Variants in TRRAP observed in about 807,000 individuals in gnomAD.
The protein encoded by TRRAP is transformation/transcription domain associated protein, also known as transformation/transcription domain-associated protein.
A neutral mutation model predicts 438.8 loss-of-function variants in TRRAP; 41 were observed. The ratio of observed to expected loss-of-function variants is 0.09; its 90% CI spans 0.07 to 0.12. The LOEUF (loss-of-function observed/expected upper bound fraction) is 0.12, where lower values mean the gene tolerates loss of function less well. Among genes scored for constraint, TRRAP ranks in the 10% least tolerant of loss-of-function variants. The probability of loss-of-function intolerance (pLI) is 1.00; values close to 1 mark genes in which losing one functional copy is unlikely to be tolerated. For synonymous variants in TRRAP, 1,994 were observed against 1,962.9 expected, an observed-to-expected ratio of 1.02 and a Z score of -0.42; for missense variants, 3,122 against 5,055.1, an observed-to-expected ratio of 0.62 and a Z score of 11.60.
intron 13 of TRRAP, among the ~76,000 whole-genome samples, chr7:98,907,596 C>G (rs782586634): frequency 6.6e-6 from 1 of 152,220 alleles, no homozygotes; most frequent in Non-Finnish European, 1.5e-5. Flanking sequence ...TACTCCTGCT[C>G]GAAGCCCTCC....
chr7:98,999,609 G>A, intron 67 of TRRAP: 1 of 793,154 alleles, frequency 1.3e-6, no homozygotes, highest in Non-Finnish European at 2.2e-6. Context: ...CTAAGTGCTT[G>A]CATAGAGCAG....
At chr7:98,982,099 C>A in intron 59 of TRRAP, 139 bp downstream of exon 59, 1 of 844,352 alleles carries the variant, frequency 1.2e-6, no homozygotes, top group Non-Finnish European at 1.7e-6. Context: ...CCCACTTATA[C>A]GCGTCCTCAG....
chr7:98,962,287 C>T lies in TRRAP; in HGVS notation c.6704-15C>T. ...GAGCCATAACCACAGTGCCTGGGTCCCTGCCCTGTTGTAGGTACTTCCAGT... is the reference window on the plus strand; with the variant it reads ...GAGCCATAACCACAGTGCCTGGGTCTCTGCCCTGTTGTAGGTACTTCCAGT... On this transcript the variant is annotated splice_polypyrimidine_tract_variant and intron_variant, in intron 46 of 72. Transcript: ENST00000456197. 1 of 1,614,054 alleles carries T rather than the reference C, an allele frequency of 6.2e-7. No homozygotes were observed. The highest frequency in any genetic ancestry group is 1.7e-4 in the Middle Eastern group (1 of 6,052).
At chr7:98,971,988 G>T in intron 53 of TRRAP, 43 bp downstream of exon 53, 4 of 1,600,242 alleles carry the variant, frequency 2.5e-6, no homozygotes, top group Non-Finnish European at 3.4e-6. Context: ...TTCCTCCCAT[G>T]GACAGTTCAA....
intron 58 of TRRAP, among the ~76,000 whole-genome samples, chr7:98,980,727 A>G (rs753773688): frequency 6.6e-6 from 1 of 152,260 alleles, no homozygotes; most frequent in African/African-American, 2.4e-5. Context: ...TTAATTTCCC[A>G]GGATAACAAT....
chr7:98,931,662 A>G lies in TRRAP; in HGVS notation c.3849A>G (p.Lys1283=), dbSNP rs1002949221. ...KSVTVIMEPH[K]EVLQDMVPPK... is the part of the protein sequence containing the mutation. Reference sequence around the variant, plus strand: ...TCACGGTGATCATGGAACCCCACAAAGAGGTGAGATTTCTGTCACCAGAAC... The same window carrying G: ...TCACGGTGATCATGGAACCCCACAAGGAGGTGAGATTTCTGTCACCAGAAC... Residue 1283 remains lysine, a synonymous_variant, in exon 26 of 73, where the codon AAA becomes AAG. Transcript: ENST00000456197. 1.2e-6 allele frequency: 2 copies of G among 1,610,428 alleles called. No individual in the cohort carries two copies. The highest frequency in any genetic ancestry group is 1.7e-6 in the Non-Finnish European group (2 of 1,176,998).
intron 41 of TRRAP, among the ~76,000 whole-genome samples, chr7:98,955,520 C>T (rs1791558788): frequency 6.6e-6 from 1 of 152,134 alleles, no homozygotes; most frequent in African/African-American, 2.4e-5. Context: ...GTCTTTGCGT[C>T]TGAGGCTACA....
At chr7:98,889,977 C>T (rs1036985875) in intron 3 of TRRAP, among the ~76,000 whole-genome samples, 1 of 152,114 alleles carries the variant, frequency 6.6e-6, no homozygotes, top group Non-Finnish European at 1.5e-5. Context: ...CATTGGTTTG[C>T]TCAGGCTCTT....
chr7:98,885,303 G>A (rs1314264785), intron 3 of TRRAP, among the ~76,000 whole-genome samples: 2 of 151,096 alleles, frequency 1.3e-5, no homozygotes, highest in Non-Finnish European at 2.9e-5. Flanking sequence ...CAGTCTGGTT[G>A]AACTCTGGGC....
chr7:98,933,165 G>T, intron 26 of TRRAP, 76 bp from the exon 27 acceptor site: 1 of 1,468,748 alleles, frequency 6.8e-7, no homozygotes, highest in South Asian at 1.4e-5. Context: ...TCTCAAACAT[G>T]GTTTTCACAT....
intron 25 of TRRAP, 151 bp downstream of exon 25, chr7:98,930,981 C>T (rs1790298163): frequency 9.6e-7 from 1 of 1,043,442 alleles, no homozygotes; most frequent in South Asian, 1.6e-5. Context: ...ACTAAAAGGA[C>T]AGCTCAGAGC....
At chr7:98,999,337 G>T in intron 67 of TRRAP, 1 of 1,401,554 alleles carries the variant, frequency 7.1e-7, no homozygotes, top group Non-Finnish European at 1.0e-6. Flanking sequence ...AAGATTTCCT[G>T]GATCAGACTT....
At chr7:98,989,606 A>C (rs1325351348) in intron 63 of TRRAP, among the ~76,000 whole-genome samples, 1 of 152,220 alleles carries the variant, frequency 6.6e-6, no homozygotes, top group African/African-American at 2.4e-5. Context: ...ATTTAACATA[A>C]AAATTTGGAA....
At chr7:98,888,478 A>G (rs1372949487) in intron 3 of TRRAP, among the ~76,000 whole-genome samples, 1 of 151,996 alleles carries the variant, frequency 6.6e-6, no homozygotes, top group Non-Finnish European at 1.5e-5. Context: ...CAGAGTTTGC[A>G]GTGAGCCAAG....
In TRRAP at chr7:98,912,077, T is replaced by C; in HGVS notation, c.2063T>C (p.Ile688Thr). The C allele has an allele frequency of 6.2e-7, 1 of 1,614,222 alleles. No individual in the cohort carries two copies. Among genetic ancestry groups the C allele is most frequent in the Non-Finnish European group, 8.5e-7 (1 of 1,180,036 alleles). ...NPTTSALFAT[I>T]LVEYLLDRLP... Reference sequence around the variant, plus strand: ...ACTACCTCTGCTCTGTTTGCTACGATTCTGGTGGAATATCTCCTTGATCGC... The same window carrying C: ...ACTACCTCTGCTCTGTTTGCTACGACTCTGGTGGAATATCTCCTTGATCGC... Residue 688 changes from isoleucine (I) to threonine (T), a missense_variant, in exon 18 of 73, where the codon ATT becomes ACT. Ile to Thr is a moderately conservative substitution (Grantham distance 89, BLOSUM62 -1). Coordinates refer to ENST00000456197, the MANE Select transcript of TRRAP (RefSeq NM_001375524.1).
Position 99,005,245 on chromosome 7 carries a change from C to A in TRRAP, c.10650C>A (p.Leu3550=). The change falls in exon 69 of 73, where the codon CTC becomes CTA. Residue 3550 remains leucine, a synonymous_variant. Transcript: ENST00000456197. The surrounding 1 kb of genome is among the most constrained non-coding windows in gnomAD (Gnocchi z 5.1). The part of the protein sequence containing the change: ...YPYLVMNDAC[L]TESRREERVL... ...ACCTCGTCATGAACGACGCCTGCCTCACAGAGTCACGGCGAGAGGAGCGTG... is the reference window on the plus strand; with the variant it reads ...ACCTCGTCATGAACGACGCCTGCCTAACAGAGTCACGGCGAGAGGAGCGTG... 1 of 1,614,200 alleles carries A rather than the reference C, an allele frequency of 6.2e-7. No individual in the cohort carries two copies. The highest frequency in any genetic ancestry group is 8.5e-7 in the Non-Finnish European group (1 of 1,180,050).
At chr7:98,936,032 G>A (rs1433923361) in intron 28 of TRRAP, among the ~76,000 whole-genome samples, 2 of 152,170 alleles carry the variant, frequency 1.3e-5, no homozygotes, top group Non-Finnish European at 2.9e-5. Context: ...AATGACTCAA[G>A]CATTTGTTAA....
chr7:98,986,953 T>A (rs170186), intron 62 of TRRAP, among the ~76,000 whole-genome samples: 38 of 152,106 alleles, frequency 2.5e-4, no homozygotes, highest in African/African-American at 7.5e-4. Context: ...CTGAAAAGTC[T>A]AGTCTTTCTC....
chr7:98,910,080 A>G lies in TRRAP; in HGVS notation c.1375A>G (p.Ile459Val), dbSNP rs782002854. The change falls in exon 15 of 73, where the codon ATT becomes GTT. Residue 459 changes from isoleucine to valine, a missense_variant. Around this residue, in one of 24 missense-constraint regions of TRRAP, gnomAD observed 115 missense variants for 124.6 expected, o/e 0.92. Coordinates refer to ENST00000456197, the MANE Select transcript of TRRAP (RefSeq NM_001375524.1). ...LEVFVLKFHT[I>V]ARYQLSAIFK... Reference sequence around the variant, plus strand: ...GGTTTTCGTTCTCAAATTCCACACAATTGCTCGGTACCAGCTCTCTGCCAT... The same window carrying G: ...GGTTTTCGTTCTCAAATTCCACACAGTTGCTCGGTACCAGCTCTCTGCCAT... 3 of 1,552,490 alleles carry G rather than the reference A, an allele frequency of 1.9e-6. No individual in the cohort carries two copies. The highest frequency in any genetic ancestry group is 4.0e-5 in the Admixed American group (2 of 49,918).
Sources: gnomAD v4.1 joint callset for allele counts (sites outside exome capture counted in the v4.1 genomes callset) on GRCh38, gnomAD v4.1.1 for gene constraint, gnomAD v4.1.1 regional missense constraint, Gnocchi (gnomAD v3.1) non-coding constraint, MANE v1.5 for transcripts, NCBI Gene and HGNC (gene_info 2026-07-23, HGNC 2026-07-21) for gene names.